Variants in CD22 observed in about 807,000 individuals in gnomAD.
CD22 encodes CD22 molecule.
CD22 carries 51 observed loss-of-function variants against 94.7 expected under a neutral mutation model. The observed-to-expected ratio is 0.54, with a 90% confidence interval of 0.43 to 0.68. The LOEUF is 0.68. CD22 is among the 30% of genes least tolerant of loss of function. CD22 has a pLI of 0.00. For synonymous variants in CD22, 424 were observed against 422.5 expected, an observed-to-expected ratio of 1.00 and a Z score of -0.04; for missense variants, 931 against 1,060.4, an observed-to-expected ratio of 0.88 and a Z score of 1.69.
In CD22 at chr19:35,337,820, A is replaced by C; in HGVS notation, c.784A>C (p.Thr262Pro). 1 of 1,613,604 alleles carries C rather than the reference A, an allele frequency of 6.2e-7. No individual in the cohort carries two copies. The highest frequency in any genetic ancestry group is 8.5e-7 in the Non-Finnish European group (1 of 1,179,612). The change falls in exon 5 of 14, where the codon ACC (threonine) becomes CCC (proline). Residue 262 changes from threonine to proline, a missense_variant. By Grantham distance (38) the Thr-to-Pro change is conservative. Transcript: ENST00000085219. The surrounding 1 kb of genome is among the most constrained non-coding windows in gnomAD (Gnocchi z 4.4). ...CATAGTGAGGGAGGGGGACTCTGTG[A>C]CCATGACCTGCGAGGTCAGCAGCAG... ...DAIVREGDSVTMTCEVSSSNP... is the reference protein window; with the variant it reads ...DAIVREGDSVPMTCEVSSSNP...
intron 9 of CD22, 101 bp from the exon 10 acceptor site, chr19:35,344,728 C>G: frequency 1.2e-6 from 1 of 820,722 alleles, no homozygotes; most frequent in Non-Finnish European, 2.0e-6. Context: ...GGGAGAAGGA[C>G]GAGTCTGGCT....
chr19:35,338,236 C>A lies in CD22; in HGVS notation c.1054C>A (p.Leu352Ile). 6.2e-7 allele frequency: 1 copy of A among 1,614,230 alleles called. No homozygotes were observed. The highest frequency in any genetic ancestry group is 8.5e-7 in the Non-Finnish European group (1 of 1,180,040). The change falls in exon 6 of 14, where the codon CTT (leucine) becomes ATT (isoleucine). Residue 352 changes from leucine to isoleucine, a missense_variant. Physicochemically the swap from Leu to Ile is conservative, Grantham distance 5. Transcript: ENST00000085219. ...PAVEGSQVEF[L>I]CMSLANPLPT... Reference sequence around the variant, plus strand: ...TGTGGAGGGAAGTCAAGTCGAGTTTCTTTGCATGTCACTGGCCAATCCTCT... The same window carrying A: ...TGTGGAGGGAAGTCAAGTCGAGTTTATTTGCATGTCACTGGCCAATCCTCT...
In CD22 at chr19:35,341,714, G is replaced by A. The variant is rs775345393; in HGVS notation, c.1784G>A (p.Arg595Lys). The change falls in exon 9 of 14, where the codon AGG becomes AAG. Residue 595 changes from arginine to lysine, a missense_variant. Arg to Lys is a conservative substitution (Grantham distance 26, BLOSUM62 2). Coordinates refer to ENST00000085219, the MANE Select transcript of CD22 (RefSeq NM_001771.4). This position sits in a 1 kb window ranked among gnomAD's most constrained non-coding sequence, Gnocchi z 4.0. ...GCCCGCCATGCAGATGCACCCAGGAGGCTGCGTGTGTCCATGAGCCCGGGG... is the reference window on the plus strand; with the variant it reads ...GCCCGCCATGCAGATGCACCCAGGAAGCTGCGTGTGTCCATGAGCCCGGGG... ...WTLEVLYAPR[R>K]LRVSMSPGDQ... 6.2e-7 allele frequency: 1 copy of A among 1,610,594 alleles called. No homozygotes were observed. Among genetic ancestry groups the A allele is most frequent in the Non-Finnish European group, 8.5e-7 (1 of 1,179,902 alleles).
At position 35,337,543 on chromosome 19, in the gene CD22, A is replaced by T. The variant is rs983734240; in HGVS notation, c.719-212A>T. On this transcript the variant is annotated intron_variant, in intron 4 of 13. Coordinates refer to ENST00000085219, the MANE Select transcript of CD22 (RefSeq NM_001771.4). This position sits in a 1 kb window ranked among gnomAD's most constrained non-coding sequence, Gnocchi z 4.4. ...TCCAGCAGGATTGGCGAGGTCTGGT[A>T]GATGGTGTTAGGAACCCTGCGTGCT... 1.3e-5 allele frequency among the ~76,000 whole-genome samples: 2 copies of T among 152,180 alleles called. No individual in the cohort carries two copies. The highest frequency in any genetic ancestry group is 4.8e-5 in the African/African-American group (2 of 41,430).
intron 10 of CD22, 38 bp from the exon 11 acceptor site, chr19:35,345,013 G>A (rs1258849200): frequency 6.2e-7 from 1 of 1,605,546 alleles, no homozygotes; most frequent in East Asian, 2.2e-5. Context: ...CCAGCCTGTG[G>A]AGTCCCTGAC....
At chr19:35,334,854 G>A (rs375945345) in intron 3 of CD22, among the ~76,000 whole-genome samples, 20 of 151,986 alleles carry the variant, frequency 1.3e-4, no homozygotes, top group African/African-American at 3.9e-4. Flanking sequence ...CGAGGCAGGC[G>A]GATCACAAGG....
chr19:35,338,353 G>C lies in CD22; in HGVS notation c.1171G>C (p.Ala391Pro), dbSNP rs61741013. The C allele has an allele frequency of 1.2e-6, 2 of 1,614,176 alleles. No homozygotes were observed. Among genetic ancestry groups the C allele is most frequent in the South Asian group, 2.2e-5 (2 of 91,088 alleles). ...VHIPKILPWH[A>P]GTYSCVAENI... ...CATCCCAAAGATCCTCCCCTGGCAC[G>C]CTGGGACTTATTCCTGTGTGGCAGA... The change falls in exon 6 of 14, where the codon GCT (alanine) becomes CCT (proline). Residue 391 changes from alanine (A) to proline (P), a missense_variant. By Grantham distance (27) the Ala-to-Pro change is conservative. Transcript: ENST00000085219.
At chr19:35,333,874 G>A (rs185564897) in intron 3 of CD22, among the ~76,000 whole-genome samples, 1 of 152,232 alleles carries the variant, frequency 6.6e-6, no homozygotes, top group Non-Finnish European at 1.5e-5. Context: ...TTCAAGAGAC[G>A]ATGGAAATCT....
chr19:35,341,696 A>G lies in CD22; in HGVS notation c.1772-6A>G. ...TTCGCACCCCCTCCCCCTGCCCGCC[A>G]TGCAGATGCACCCAGGAGGCTGCGT... On this transcript the variant is annotated splice_region_variant and splice_polypyrimidine_tract_variant and intron_variant, in intron 8 of 13. Transcript: ENST00000085219. This position sits in a 1 kb window ranked among gnomAD's most constrained non-coding sequence, Gnocchi z 4.0. 6.2e-7 allele frequency: 1 copy of G among 1,608,576 alleles called. No individual in the cohort carries two copies. The highest frequency in any genetic ancestry group is 8.5e-7 in the Non-Finnish European group (1 of 1,178,082).
At chr19:35,331,827 A>G in intron 1 of CD22, 192 bp from the exon 2 acceptor site, 4 of 1,160,762 alleles carry the variant, frequency 3.4e-6, no homozygotes, top group Non-Finnish European at 4.7e-6. Flanking sequence ...AGCCTGGGAG[A>G]CAGAGCAAGA....
chr19:35,333,877 G>A (rs1252723889), intron 3 of CD22, among the ~76,000 whole-genome samples: 1 of 152,122 alleles, frequency 6.6e-6, no homozygotes, highest in African/African-American at 2.4e-5. Flanking sequence ...AAGAGACGAT[G>A]GAAATCTAGA....
chr19:35,343,077 C>T (rs1037611208), intron 9 of CD22, among the ~76,000 whole-genome samples: 9 of 151,314 alleles, frequency 5.9e-5, no homozygotes, highest in Admixed American at 4.6e-4. Context: ...GGATTACAGG[C>T]GTGAGCCACC....
At chr19:35,332,502 G>A (rs751077841) in intron 2 of CD22, 45 bp from the exon 3 acceptor site, 2 of 1,506,168 alleles carry the variant, frequency 1.3e-6, no homozygotes, top group African/African-American at 2.8e-5. Flanking sequence ...TTTAAAAGAA[G>A]GCTCTCATGC....
intron 1 of CD22, chr19:35,329,986 G>T (rs55897440): frequency 0.15 from 23,444 of 152,162 alleles, 2,116 homozygotes; most frequent in East Asian, 0.42. Context: ...GAGATTAATG[G>T]TGTAGATAGA....
rs979872474 is a variant in CD22 at position 35,333,051 on chromosome 19, G to A, written c.412+127G>A. ...AGAGCTCAGGCAGGGGACGCCAGCG[G>A]ATGACGATGGCGATGCAGCAGCACT... On this transcript the variant is annotated intron_variant, in intron 3 of 13. Coordinates refer to ENST00000085219, the MANE Select transcript of CD22 (RefSeq NM_001771.4). 6.3e-6 allele frequency: 6 copies of A among 956,368 alleles called. No homozygotes were observed. In the African/African-American group the frequency reaches 9.8e-5, roughly 16 times the overall value. The allele number at this position is 956,368 out of a possible 1,614,324, so 59.2% of individuals were successfully genotyped here. A position where few individuals can be genotyped will look rare whatever the true frequency, so the allele number is the denominator to read the frequency against.
chr19:35,345,133 T>C lies in CD22; in HGVS notation c.2208+7T>C. 1 of 1,613,646 alleles carries C rather than the reference T, an allele frequency of 6.2e-7. No individual in the cohort carries two copies. The highest frequency in any genetic ancestry group is 8.5e-7 in the Non-Finnish European group (1 of 1,179,708). ...CTTTGTGAGGAATAAAAAGGTAGGA[T>C]GGGGCTGGGCACGATGGCTCATGCC... is the stretch of plus-strand genomic sequence containing the variant. On this transcript the variant is annotated splice_region_variant and intron_variant, in intron 11 of 13. Transcript: ENST00000085219.
In CD22 at chr19:35,337,861, G is replaced by T; in HGVS notation, c.825G>T (p.Thr275=). 6.2e-7 allele frequency: 1 copy of T among 1,614,184 alleles called. No homozygotes were observed. The highest frequency in any genetic ancestry group is 8.5e-7 in the Non-Finnish European group (1 of 1,180,012). Residue 275 remains threonine, a synonymous_variant, in exon 5 of 14, where the codon ACG becomes ACT. Coordinates refer to ENST00000085219, the MANE Select transcript of CD22 (RefSeq NM_001771.4). This position sits in a 1 kb window ranked among gnomAD's most constrained non-coding sequence, Gnocchi z 4.4. ...TCAGCAGCAGCAACCCGGAGTACAC[G>T]ACGGTATCCTGGCTCAAGGATGGGA... ...CEVSSSNPEY[T]TVSWLKDGTS...
chr19:35,329,364 C>A, intron 1 of CD22, 134 bp downstream of exon 1: 1 of 495,692 alleles, frequency 2.0e-6, no homozygotes, highest in Non-Finnish European at 3.7e-6. Context: ...GGTGTTACAA[C>A]AGGTTGTAGA....
In CD22 at chr19:35,336,235, C is replaced by G. The variant is rs781355970; in HGVS notation, c.612C>G (p.Leu204=). ...TIKSVFTRSE[L]KFSPQWSHHG... ...AGTCTGTCTTCACCCGGAGCGAGCT[C>G]AAGTTCTCCCCACAGTGGAGTCACC... Residue 204 remains leucine (L), a synonymous_variant, in exon 4 of 14, where the codon CTC becomes CTG. Transcript: ENST00000085219. 5.0e-6 allele frequency: 8 copies of G among 1,614,112 alleles called. No individual in the cohort carries two copies. The highest frequency in any genetic ancestry group is 6.8e-6 in the Non-Finnish European group (8 of 1,180,050).
Sources: allele counts gnomAD v4.1 joint callset (sites outside exome capture counted in the v4.1 genomes callset), GRCh38; gene constraint gnomAD v4.1.1; non-coding constraint Gnocchi (gnomAD v3.1); transcripts MANE v1.5; gene names NCBI Gene and HGNC (gene_info 2026-07-23, HGNC 2026-07-21).